PDHA1: variants seen among roughly 807,000 people sequenced by gnomAD.
The protein encoded by PDHA1 is pyruvate dehydrogenase E1 component subunit alpha, somatic form, mitochondrial.
A neutral mutation model predicts 33.0 loss-of-function variants in PDHA1; 1 was observed. That is an observed-to-expected ratio of 0.03 (90% CI 0.01 to 0.14). The LOEUF (loss-of-function observed/expected upper bound fraction) is 0.14, where lower values mean the gene tolerates loss of function less well. PDHA1 is among the 10% of genes least tolerant of loss of function. The pLI is 1.00. For missense variants in PDHA1, 168 were observed against 325.1 expected (o/e 0.52, Z 3.72); for synonymous variants, 123 against 119.2 (o/e 1.03, Z -0.21).
intron 8 of PDHA1, 76 bp from the exon 9 acceptor site, chrX:19,357,576 T>C (rs989251026): frequency 1.6e-5 from 13 of 819,072 alleles, no homozygotes; most frequent in Non-Finnish European, 2.4e-5. Flanking sequence ...GGGCCTGCGT[T>C]TGAGGCCGTG....
intron 2 of PDHA1, 95 bp downstream of exon 2, chrX:19,349,466 A>G (rs2063152170): frequency 1.7e-6 from 1 of 580,340 alleles, no homozygotes. Flanking sequence ...GTTCATGCTT[A>G]GTCATCATTT....
intron 6 of PDHA1, among the ~76,000 whole-genome samples, 196 bp downstream of exon 6, chrX:19,354,779 A>C (rs780672353): frequency 8.8e-6 from 1 of 112,998 alleles, no homozygotes; most frequent in Admixed American, 9.3e-5. Flanking sequence ...TTACGGGGGC[A>C]CATTCCTGTG....
intron 8 of PDHA1, among the ~76,000 whole-genome samples, chrX:19,356,277 C>CACTT (rs1190151745): frequency 9.0e-6 from 1 of 111,538 alleles, no homozygotes; most frequent in East Asian, 2.8e-4. Flanking sequence ...AAAGAGGTTT[C>CACTT]ACTTCCTTTG....
intron 9 of PDHA1, among the ~76,000 whole-genome samples, chrX:19,358,142 A>G (rs1275912559): frequency 3.6e-5 from 4 of 111,698 alleles, no homozygotes; most frequent in East Asian, 2.8e-4. Flanking sequence ...TGGGTGTTCA[A>G]TCCGTTGAAA....
chrX:19,357,102 C>T (rs747496285), intron 8 of PDHA1, among the ~76,000 whole-genome samples: 1 of 112,281 alleles, frequency 8.9e-6, no homozygotes, highest in East Asian at 2.8e-4. Flanking sequence ...TCTGTCTAGC[C>T]AATAGCAGGA....
chrX:19,354,086 T>C, intron 5 of PDHA1, among the ~76,000 whole-genome samples: 1 of 111,493 alleles, frequency 9.0e-6, no homozygotes, highest in East Asian at 2.8e-4. Flanking sequence ...GCTGGGAATA[T>C]AGTTACGTGC....
chrX:19,359,427 T>C (rs1043933881), intron 10 of PDHA1, 62 bp from the exon 11 acceptor site: 36 of 974,771 alleles, frequency 3.7e-5, no homozygotes, highest in Admixed American at 1.3e-4. Flanking sequence ...TCAGCAGAAC[T>C]CTAGTTGGTA....
chrX:19,352,389 C>G (rs1156922833), intron 4 of PDHA1, among the ~76,000 whole-genome samples: 1 of 110,957 alleles, frequency 9.0e-6, no homozygotes, highest in Admixed American at 9.6e-5. Context: ...TGCCCAACCA[C>G]CACACCTGGC....
chrX:19,355,453 G>A lies in PDHA1; in HGVS notation c.708G>A (p.Ala236=), dbSNP rs750307419. 35 of 1,210,777 alleles carry A rather than the reference G, an allele frequency of 2.9e-5. No homozygotes were observed. Among genetic ancestry groups the A allele is most frequent in the African/African-American group, 1.2e-4 (7 of 57,505 alleles). The change falls in exon 7 of 11, where the codon GCG becomes GCA. Residue 236 remains alanine, a synonymous_variant. Coordinates refer to ENST00000422285, the MANE Select transcript of PDHA1 (RefSeq NM_000284.4). ...GAATGGGAACGTCTGTTGAGAGAGC[G>A]GCAGCCAGCACTGATTACTACAAGA... The part of the protein sequence containing the change: ...RYGMGTSVER[A]AASTDYYKRG...
At chrX:19,346,054 C>A (rs751184334) in intron 1 of PDHA1, among the ~76,000 whole-genome samples, 2 of 111,682 alleles carry the variant, frequency 1.8e-5, no homozygotes, top group African/African-American at 3.3e-5. Context: ...CAAAATAGAT[C>A]AACGTTTTAG....
At position 19,361,430 on chromosome X, in the gene PDHA1, A is replaced by G; in HGVS notation, c.*1777A>G. 1 of 1,194,263 alleles carries G rather than the reference A, an allele frequency of 8.4e-7. No individual in the cohort carries two copies. The highest frequency in any genetic ancestry group is 3.0e-5 in the East Asian group (1 of 33,827). Reference sequence around the variant, plus strand: ...TCTTCAACAATCTGAAACAAAGATCAGATCCTTAAGAGCTGAGCAGCTGTG... The same window carrying G: ...TCTTCAACAATCTGAAACAAAGATCGGATCCTTAAGAGCTGAGCAGCTGTG... On this transcript the variant is annotated 3_prime_UTR_variant, in exon 11 of 11. Transcript: ENST00000422285.
chrX:19,357,195 C>A (rs2063208127), intron 8 of PDHA1, among the ~76,000 whole-genome samples: 1 of 112,076 alleles, frequency 8.9e-6, no homozygotes, highest in African/African-American at 3.2e-5. Flanking sequence ...GCACCCTTGA[C>A]CTTCCAGAAT....
chrX:19,359,200 C>T (rs756051977), intron 10 of PDHA1, among the ~76,000 whole-genome samples, 176 bp downstream of exon 10: 1 of 111,473 alleles, frequency 9.0e-6, no homozygotes, highest in African/African-American at 3.3e-5. Context: ...TTCCTCTATT[C>T]AAAATTGTAT....
At chrX:19,349,174 A>G (rs766467222) in intron 1 of PDHA1, 138 bp from the exon 2 acceptor site, 1 of 498,061 alleles carries the variant, frequency 2.0e-6, no homozygotes, top group Non-Finnish European at 3.6e-6. Flanking sequence ...CACAGTGCAC[A>G]GGGTGGAAGA....
chrX:19,357,191 T>G (rs907422874), intron 8 of PDHA1, among the ~76,000 whole-genome samples: 4 of 112,155 alleles, frequency 3.6e-5, no homozygotes, highest in Non-Finnish European at 7.5e-5. Flanking sequence ...CACTGCACCC[T>G]TGACCTTCCA....
intron 1 of PDHA1, chrX:19,346,744 A>G (rs1030796531): frequency 6.9e-6 from 3 of 434,799 alleles, no homozygotes; most frequent in African/African-American, 2.5e-5. Flanking sequence ...TATAGTTTTC[A>G]TAGTTCTTAT....
chrX:19,361,704 T>C lies in PDHA1; in HGVS notation c.*2051T>C, dbSNP rs1336076595. 6 of 531,620 alleles carry C rather than the reference T, an allele frequency of 1.1e-5. No individual in the cohort carries two copies. The highest frequency in any genetic ancestry group is 1.9e-5 in the Non-Finnish European group (6 of 320,415). The allele number at this position is 531,620 out of a possible 1,213,427, so 43.8% of individuals were successfully genotyped here. A position where few individuals can be genotyped will look rare whatever the true frequency, so the allele number is the denominator to read the frequency against. On this transcript the variant is annotated 3_prime_UTR_variant, in exon 11 of 11. Transcript: ENST00000422285. ...ATGTAAATGTGATGTGAAAAAGAGA[T>C]GAATTAACCCTGTATCACTGAACCA...
intron 4 of PDHA1, 40 bp downstream of exon 4, chrX:19,351,447 A>G (rs201920579): frequency 1.5e-4 from 164 of 1,104,132 alleles, no homozygotes; most frequent in Non-Finnish European, 2.0e-4. Context: ...TGAGTGGATT[A>G]AGTTTTTAAA....
chrX:19,351,299 C>G lies in PDHA1; in HGVS notation c.310C>G (p.Leu104Val), dbSNP rs1325244623. ...AACACAGGAAGCTTGCTGTGTGGGC[C>G]TGGAGGCCGGCATCAACCCCACAGA... ...CDGQEACCVGLEAGINPTDHL... is the reference protein window; with the variant it reads ...CDGQEACCVGVEAGINPTDHL... Residue 104 changes from leucine to valine, a missense_variant, in exon 4 of 11, where the codon CTG (leucine) becomes GTG (valine). Leu to Val is a conservative substitution (Grantham distance 32). Transcript: ENST00000422285. 8.3e-7 allele frequency: 1 copy of G among 1,206,258 alleles called. No homozygotes were observed. Among genetic ancestry groups the G allele is most frequent in the Admixed American group, 2.2e-5 (1 of 46,024 alleles).
Sources: allele counts gnomAD v4.1 joint callset (sites outside exome capture counted in the v4.1 genomes callset), GRCh38; gene constraint gnomAD v4.1.1; transcripts MANE v1.5; gene names NCBI Gene and HGNC (gene_info 2026-07-23, HGNC 2026-07-21).